The following SOX6 variants were observed in gnomAD, a reference collection of about 807,000 sequenced individuals.
The protein encoded by SOX6 is transcription factor SOX-6.
In SOX6, 11 loss-of-function variants were observed where a neutral mutation model predicts 97.8. The ratio of observed to expected loss-of-function variants is 0.11; its 90% CI spans 0.07 to 0.19. SOX6 has a LOEUF of 0.19. Among genes scored for constraint, SOX6 ranks in the 10% least tolerant of loss-of-function variants. SOX6 has a pLI of 1.00. For missense variants in SOX6, 810 were observed against 1,039.5 expected (o/e 0.78, Z 3.04); for synonymous variants, 360 against 371.4 (o/e 0.97, Z 0.35).
intron 1 of SOX6, among the ~76,000 whole-genome samples, chr11:16,367,959 A>AT (rs1314029004): frequency 1.3e-5 from 2 of 152,070 alleles, no homozygotes; most frequent in African/African-American, 4.8e-5. Flanking sequence ...AACAAAACCA[A>AT]TTTTTTTCTC....
At chr11:16,707,734 C>T (rs1848148265) in intron 3 of SOX6, among the ~76,000 whole-genome samples, 1 of 152,052 alleles carries the variant, frequency 6.6e-6, no homozygotes, top group African/African-American at 2.4e-5. Flanking sequence ...AAATAGAAAA[C>T]CTTTACAGTA....
intron 3 of SOX6, among the ~76,000 whole-genome samples, chr11:16,704,348 T>G (rs554228635): frequency 6.6e-6 from 1 of 152,178 alleles, no homozygotes; most frequent in South Asian, 2.1e-4. Flanking sequence ...TTAATTACAA[T>G]GCAAAAAATG....
intron 9 of SOX6, among the ~76,000 whole-genome samples, chr11:16,059,686 G>A (rs539983950): frequency 1.5e-4 from 23 of 152,050 alleles, no homozygotes; most frequent in Admixed American, 5.9e-4. Flanking sequence ...TGTATGTAAT[G>A]ACTCAGTGGC....
chr11:16,486,104 C>T (rs1364560979), intron 4 of SOX6, among the ~76,000 whole-genome samples: 1 of 151,330 alleles, frequency 6.6e-6, no homozygotes, highest in Non-Finnish European at 1.5e-5. Flanking sequence ...CACAAACTTC[C>T]AAAAACTATT....
At chr11:16,080,800 A>G (rs1402848021) in intron 9 of SOX6, among the ~76,000 whole-genome samples, 1 of 152,146 alleles carries the variant, frequency 6.6e-6, no homozygotes, top group Non-Finnish European at 1.5e-5. Flanking sequence ...GGGAACAATT[A>G]ATTTGGACAG....
intron 4 of SOX6, among the ~76,000 whole-genome samples, chr11:16,583,728 G>A (rs892559806): frequency 1.3e-5 from 2 of 149,550 alleles, no homozygotes; most frequent in Admixed American, 1.3e-4. Flanking sequence ...AACATAAGAG[G>A]GCAGATATCT....
intron 4 of SOX6, among the ~76,000 whole-genome samples, chr11:16,521,741 G>A (rs1376504159): frequency 6.6e-6 from 1 of 152,120 alleles, no homozygotes; most frequent in East Asian, 1.9e-4. Flanking sequence ...AAAAAATTTA[G>A]ACGAATGTAT....
At chr11:16,247,530 T>C (rs982645752) in intron 3 of SOX6, among the ~76,000 whole-genome samples, 1 of 152,090 alleles carries the variant, frequency 6.6e-6, no homozygotes, top group Non-Finnish European at 1.5e-5. Flanking sequence ...AAATTTACAA[T>C]CATGGCAGAA....
intron 13 of SOX6, among the ~76,000 whole-genome samples, chr11:15,997,841 G>A (rs965683794): frequency 6.6e-6 from 1 of 152,088 alleles, no homozygotes; most frequent in Non-Finnish European, 1.5e-5. Flanking sequence ...TTTATATTTC[G>A]GGAGGCTGAG....
chr11:16,242,894 C>T (rs1853235614), intron 3 of SOX6, among the ~76,000 whole-genome samples: 2 of 151,872 alleles, frequency 1.3e-5, no homozygotes, highest in African/African-American at 4.8e-5. Context: ...TTTGACCCTG[C>T]TGATTAAGTT....
At chr11:16,651,955 C>G (rs1325591679) in intron 3 of SOX6, among the ~76,000 whole-genome samples, 1 of 152,108 alleles carries the variant, frequency 6.6e-6, no homozygotes, top group Non-Finnish European at 1.5e-5. Flanking sequence ...ATCATTAGCA[C>G]TGCTATATAC....
chr11:16,068,753 ACTC>A (rs2133939262), intron 9 of SOX6, among the ~76,000 whole-genome samples: 1 of 152,214 alleles, frequency 6.6e-6, no homozygotes, highest in Non-Finnish European at 1.5e-5. Flanking sequence ...TTCAGTCTAA[ACTC>A]AAGAACCACT....
In SOX6 at chr11:16,123,365, G is replaced by A. The variant is rs571513614; in HGVS notation, c.778-11442C>T. Among the ~76,000 whole-genome samples the A allele has an allele frequency of 8.5e-5, 13 of 152,122 alleles. No homozygotes were observed. The South Asian group carries it at 1.9e-3, about 22-fold the overall frequency. Reference sequence around the variant, plus strand: ...ATAGTGTGGCAACTCTAACCAGGACGTAAATAAGATGTCTAAGCTATTGAC... The same window carrying A: ...ATAGTGTGGCAACTCTAACCAGGACATAAATAAGATGTCTAAGCTATTGAC... On this transcript the variant is annotated intron_variant, in intron 6 of 15. Coordinates refer to ENST00000683767, the MANE Select transcript of SOX6 (RefSeq NM_001367873.1).
intron 6 of SOX6, among the ~76,000 whole-genome samples, chr11:16,163,101 T>C (rs927056166): frequency 1.3e-5 from 2 of 149,784 alleles, no homozygotes; most frequent in African/African-American, 2.5e-5. Context: ...GATAAGAGTA[T>C]GAAAAAAGAG....
chr11:16,651,306 G>GA (rs1448361571), intron 3 of SOX6, among the ~76,000 whole-genome samples: 2 of 151,500 alleles, frequency 1.3e-5, no homozygotes, highest in Non-Finnish European at 2.9e-5. Context: ...CCAAAACCAG[G>GA]AAAAAACAAA....
intron 4 of SOX6, among the ~76,000 whole-genome samples, chr11:16,526,547 T>C (rs1289459345): frequency 5.9e-5 from 9 of 152,078 alleles, no homozygotes; most frequent in Admixed American, 5.9e-4. Flanking sequence ...GATGAGTTAA[T>C]TGGTGCAGCA....
At chr11:16,132,405 G>GAAAGAAAGAAA (rs1849810271) in intron 6 of SOX6, among the ~76,000 whole-genome samples, 2 of 47,606 alleles carry the variant, frequency 4.2e-5, no homozygotes, top group Non-Finnish European at 7.8e-5. Flanking sequence ...AAAGAAAAAA[G>GAAAGAAAGAAA]AAAGAAAGAA....
At chr11:16,243,236 C>G (rs913733041) in intron 3 of SOX6, among the ~76,000 whole-genome samples, 4 of 151,914 alleles carry the variant, frequency 2.6e-5, no homozygotes, top group Non-Finnish European at 5.9e-5. Flanking sequence ...ACTAATTTAA[C>G]TCTAAATTTC....
At chr11:16,382,982 T>TATAC (rs1857873131) in intron 1 of SOX6, among the ~76,000 whole-genome samples, 1 of 151,942 alleles carries the variant, frequency 6.6e-6, no homozygotes. Flanking sequence ...TAATTTGAAG[T>TATAC]ATACATTGAG....
Sources: allele counts gnomAD v4.1 joint callset (sites outside exome capture counted in the v4.1 genomes callset), GRCh38; gene constraint gnomAD v4.1.1; transcripts MANE v1.5; gene names NCBI Gene and HGNC (gene_info 2026-07-23, HGNC 2026-07-21).